The following CSMD2 variants were observed in gnomAD, a reference collection of about 807,000 sequenced individuals.
The protein encoded by CSMD2 is CUB and sushi domain-containing protein 2.
CSMD2 carries 130 observed loss-of-function variants against 398.5 expected under a neutral mutation model. That is an observed-to-expected ratio of 0.33 (90% CI 0.28 to 0.38). The LOEUF (loss-of-function observed/expected upper bound fraction) is 0.38. Ranked by LOEUF, CSMD2 falls within the 10% of genes least tolerant of loss-of-function variation. The pLI, the probability that CSMD2 is intolerant of heterozygous loss-of-function variation, is 1.00. For missense variants in CSMD2, 3,829 were observed against 4,764.9 expected (o/e 0.80, Z 5.78); for synonymous variants, 1,828 against 1,908.5 (o/e 0.96, Z 1.10).
chr1:33,789,602 G>A (rs1001255170), intron 11 of CSMD2, among the ~76,000 whole-genome samples: 2 of 152,236 alleles, frequency 1.3e-5, no homozygotes, highest in Non-Finnish European at 2.9e-5. Context: ...AGGGGGTTGT[G>A]GAGTGGGCAA....
At chr1:34,056,194 CTTT>C (rs931185129) in intron 2 of CSMD2, among the ~76,000 whole-genome samples, 2 of 152,192 alleles carry the variant, frequency 1.3e-5, no homozygotes, top group Admixed American at 1.3e-4. Flanking sequence ...CCCATTTCTT[CTTT>C]AAGACTTGTG....
intron 5 of CSMD2, among the ~76,000 whole-genome samples, chr1:33,890,882 T>C (rs531139306): frequency 6.6e-6 from 1 of 152,282 alleles, no homozygotes; most frequent in East Asian, 1.9e-4. Flanking sequence ...TTACACCTTA[T>C]ACAAAAATTA....
At chr1:34,110,930 TTAAC>T (rs1661018797) in intron 1 of CSMD2, among the ~76,000 whole-genome samples, 1 of 152,120 alleles carries the variant, frequency 6.6e-6, no homozygotes, top group Non-Finnish European at 1.5e-5. Flanking sequence ...AAATAAAATA[TTAAC>T]TAACCCCCTA....
At position 33,919,371 on chromosome 1, in the gene CSMD2, A is replaced by G. The variant is rs960361266; in HGVS notation, c.713-1070T>C. Among the ~76,000 whole-genome samples the G allele has an allele frequency of 3.2e-4, 48 of 152,324 alleles. 1 individual carries two copies. Among genetic ancestry groups the G allele is most frequent in the African/African-American group, 1.2e-3 (48 of 41,568 alleles). On this transcript the variant is annotated intron_variant, in intron 4 of 70. Transcript: ENST00000373381. ...TATGTCTGTGGGGCCTCCAATGGTG[A>G]GATCAGATTAACAGATATATAGGAG...
At chr1:33,712,360 G>T (rs1646021176) in intron 21 of CSMD2, among the ~76,000 whole-genome samples, 1 of 152,106 alleles carries the variant, frequency 6.6e-6, no homozygotes, top group African/African-American at 2.4e-5. Context: ...TTAAAGCCCA[G>T]GGCTGTTCAT....
At chr1:33,851,882 G>A (rs1180591255) in intron 5 of CSMD2, among the ~76,000 whole-genome samples, 1 of 152,048 alleles carries the variant, frequency 6.6e-6, no homozygotes, top group Non-Finnish European at 1.5e-5. Flanking sequence ...ATGAGTTGCT[G>A]GGCCTTATCT....
chr1:33,759,327 T>TCTTTC (rs1553196461), intron 13 of CSMD2, among the ~76,000 whole-genome samples: 33 of 134,120 alleles, frequency 2.5e-4, no homozygotes, highest in African/African-American at 8.8e-4. Flanking sequence ...TTTTTTTCTT[T>TCTTTC]TTTTTTTTTT....
At chr1:34,066,157 T>C (rs994754008) in intron 2 of CSMD2, among the ~76,000 whole-genome samples, 1 of 152,220 alleles carries the variant, frequency 6.6e-6, no homozygotes, top group African/African-American at 2.4e-5. Flanking sequence ...CATTTCAAGC[T>C]GAGAAGAGTG....
At position 33,745,102 on chromosome 1, in the gene CSMD2, T is replaced by A. The variant is rs553296949; in HGVS notation, c.1847-1496A>T. On this transcript the variant is annotated intron_variant, in intron 13 of 70. Transcript: ENST00000373381. ...ATTATAGCCTTTAATGTGATACAGT[T>A]TGACTGCAATCATTAAAGTGATAAA... Among the ~76,000 whole-genome samples, 39 of 152,316 alleles carry A rather than the reference T, an allele frequency of 2.6e-4. No individual in the cohort carries two copies. In the South Asian group the frequency reaches 4.8e-3, roughly 19 times the overall value.
At chr1:33,744,429 C>CA (rs1647198770) in intron 13 of CSMD2, among the ~76,000 whole-genome samples, 1 of 152,094 alleles carries the variant, frequency 6.6e-6, no homozygotes, top group Admixed American at 6.5e-5. Flanking sequence ...AGGGAGGTGA[C>CA]AGCATCCATT....
At chr1:34,113,847 C>T (rs556088655) in intron 1 of CSMD2, among the ~76,000 whole-genome samples, 2 of 152,318 alleles carry the variant, frequency 1.3e-5, no homozygotes, top group African/African-American at 4.8e-5. Context: ...AAACCCTTCT[C>T]CCAACTGTCA....
At chr1:34,083,217 AAGTGC>A (rs1355744458) in intron 2 of CSMD2, among the ~76,000 whole-genome samples, 16 of 152,220 alleles carry the variant, frequency 1.1e-4, no homozygotes, top group African/African-American at 3.9e-4. Flanking sequence ...ACACACAAAA[AAGTGC>A]AGCATGGAAA....
chr1:33,653,857 C>G (rs749378101), intron 27 of CSMD2, among the ~76,000 whole-genome samples: 2 of 152,176 alleles, frequency 1.3e-5, no homozygotes, highest in Non-Finnish European at 2.9e-5. Context: ...CATTTAAGGG[C>G]TGGCTAGAAA....
Position 33,938,419 on chromosome 1 carries a change from A to G in CSMD2, c.518-2465T>C, listed in dbSNP as rs148253250. The stretch of plus-strand genomic sequence containing the variant: ...GCTGGCTTACTTGGCATTTCCCATG[A>G]TCCCATGTTGCTGGCTTACTTGGCA... On this transcript the variant is annotated intron_variant, in intron 3 of 70. Coordinates refer to ENST00000373381, the MANE Select transcript of CSMD2 (RefSeq NM_001281956.2). Among the ~76,000 whole-genome samples the G allele has an allele frequency of 2.1e-3, 307 of 149,142 alleles. 4 individuals carry two copies. In the East Asian group the frequency reaches 0.047, roughly 23 times the overall value.
chr1:34,045,260 C>T (rs936243440), intron 2 of CSMD2, among the ~76,000 whole-genome samples: 3 of 152,014 alleles, frequency 2.0e-5, no homozygotes, highest in Non-Finnish European at 2.9e-5. Context: ...AAAGGATATG[C>T]CCAGAGAAGG....
chr1:33,769,370 C>T (rs1030829510), intron 13 of CSMD2, among the ~76,000 whole-genome samples: 4 of 152,160 alleles, frequency 2.6e-5, no homozygotes, highest in African/African-American at 7.2e-5. Context: ...CAGTCAATAG[C>T]TTGAATGGAT....
At chr1:33,599,020 A>ATGAGGGCTCTGTTGTCTGACCTAATTGC (rs1553151304) in intron 44 of CSMD2, 3 of 152,212 alleles carry the variant, frequency 2.0e-5, no homozygotes, top group African/African-American at 4.8e-5. Context: ...AATCCCATTC[A>ATGAGGGCTCTGTTGTCTGACCTAATTGC]TGAGGGCTCT....
intron 3 of CSMD2, among the ~76,000 whole-genome samples, chr1:33,946,767 C>CA (rs1558145094): frequency 8.4e-6 from 1 of 118,936 alleles, no homozygotes; most frequent in Non-Finnish European, 1.8e-5. Flanking sequence ...TACAGGCGCG[C>CA]ACCACCCACC....
intron 21 of CSMD2, among the ~76,000 whole-genome samples, chr1:33,712,731 C>T (rs1646034158): frequency 6.6e-6 from 1 of 152,174 alleles, no homozygotes. Context: ...AACCATTTAG[C>T]TGAGGATGCT....
Sources: gnomAD v4.1 joint callset for allele counts (sites outside exome capture counted in the v4.1 genomes callset) on GRCh38, gnomAD v4.1.1 for gene constraint, MANE v1.5 for transcripts, NCBI Gene and HGNC (gene_info 2026-07-23, HGNC 2026-07-21) for gene names.